Variants in TMPRSS15 observed in about 807,000 individuals in gnomAD.
The protein encoded by TMPRSS15 is transmembrane serine protease 15.
TMPRSS15 carries 128 observed loss-of-function variants against 125.3 expected under a neutral mutation model. The ratio of observed to expected loss-of-function variants is 1.02; its 90% confidence interval spans 0.89 to 1.18. The LOEUF is 1.18. Ranked by LOEUF, TMPRSS15 falls within the 50% of genes most tolerant of loss-of-function variation. TMPRSS15 has a pLI of 0.00. For missense variants in TMPRSS15, 1,283 were observed against 1,212.7 expected, an observed-to-expected ratio of 1.06 and a Z score of -0.86; for synonymous variants, 446 against 423.2, an observed-to-expected ratio of 1.05 and a Z score of -0.66.
At chr21:18,392,765 T>C (rs1487660497) in intron 3 of TMPRSS15, among the ~76,000 whole-genome samples, 4 of 152,158 alleles carry the variant, frequency 2.6e-5, no homozygotes, top group Admixed American at 2.0e-4. Flanking sequence ...TGGGGAGGCC[T>C]CAGGAAACTT....
chr21:18,269,912 C>T lies in TMPRSS15; in HGVS notation c.*57G>A. The T allele has an allele frequency of 6.3e-7, 1 of 1,598,652 alleles. No individual in the cohort carries two copies. Among genetic ancestry groups the T allele is most frequent in the Non-Finnish European group, 8.6e-7 (1 of 1,169,374 alleles). On this transcript the variant is annotated 3_prime_UTR_variant, in exon 25 of 25. Transcript: ENST00000284885. ...TTGTACGAAACACTTAATTTCCATG[C>T]TTTCTAGAGTAGAATGGGAAAATAA... is the stretch of plus-strand genomic sequence containing the variant.
intron 23 of TMPRSS15, among the ~76,000 whole-genome samples, chr21:18,277,578 TCAGCAA>T (rs2074637304): frequency 6.6e-6 from 1 of 152,224 alleles, no homozygotes; most frequent in South Asian, 2.1e-4. Flanking sequence ...TGAGGCATTT[TCAGCAA>T]TACAGTGTCA....
chr21:18,329,227 T>C lies in TMPRSS15; in HGVS notation c.1722A>G (p.Glu574=). The change falls in exon 15 of 25, where the codon GAA becomes GAG. Residue 574 remains glutamate, a synonymous_variant. Coordinates refer to ENST00000284885, the MANE Select transcript of TMPRSS15 (RefSeq NM_002772.3). ...TTATTTCAACTACATCGTTAATATT[T>C]TCTAAGTCAAATTCTTGAAAATGAA... ...IQLHFQEFDL[E]NINDVVEIRD... is the part of the protein sequence containing the mutation. 6.2e-7 allele frequency: 1 copy of C among 1,612,806 alleles called. No homozygotes were observed. The highest frequency in any genetic ancestry group is 1.7e-5 in the Admixed American group (1 of 59,974).
chr21:18,285,840 C>T (rs1010676334), intron 21 of TMPRSS15, among the ~76,000 whole-genome samples: 8 of 152,074 alleles, frequency 5.3e-5, no homozygotes, highest in Admixed American at 3.3e-4. Context: ...TTAACAGGTG[C>T]AAAAGGTAGT....
chr21:18,281,252 C>A (rs775838354), intron 21 of TMPRSS15, 31 bp from the exon 22 acceptor site: 6 of 1,588,908 alleles, frequency 3.8e-6, no homozygotes, highest in Non-Finnish European at 5.2e-6. Context: ...ATATGAGACA[C>A]TCTCCATCCA....
At chr21:18,389,848 C>G (rs1192877162) in intron 3 of TMPRSS15, among the ~76,000 whole-genome samples, 1 of 152,060 alleles carries the variant, frequency 6.6e-6, no homozygotes, top group East Asian at 1.9e-4. Flanking sequence ...ATTATTTTGT[C>G]CTTAGGATCT....
At chr21:18,447,503 C>A (rs1601466042) in intron 1 of TMPRSS15, among the ~76,000 whole-genome samples, 1 of 144,214 alleles carries the variant, frequency 6.9e-6, no homozygotes, top group Non-Finnish European at 1.5e-5. Flanking sequence ...GTCAACATAA[C>A]TAAATGATAT....
At chr21:18,341,823 C>A (rs2075449155) in intron 12 of TMPRSS15, among the ~76,000 whole-genome samples, 1 of 152,172 alleles carries the variant, frequency 6.6e-6, no homozygotes, top group East Asian at 1.9e-4. Flanking sequence ...GTTTCTATAT[C>A]TCTGTCTGTG....
intron 1 of TMPRSS15, among the ~76,000 whole-genome samples, chr21:18,436,106 A>T (rs1302102977): frequency 6.6e-6 from 1 of 150,894 alleles, no homozygotes; most frequent in African/African-American, 2.4e-5. Flanking sequence ...TAATTTTTTG[A>T]AGGGTTTTTT....
chr21:18,374,450 G>C (rs983600386), intron 5 of TMPRSS15, among the ~76,000 whole-genome samples: 1 of 135,812 alleles, frequency 7.4e-6, no homozygotes, highest in African/African-American at 2.8e-5. Context: ...TCCGCAGTCC[G>C]GCCTGGGCGA....
chr21:18,323,732 T>C (rs757254029), intron 16 of TMPRSS15, among the ~76,000 whole-genome samples: 1 of 152,140 alleles, frequency 6.6e-6, no homozygotes, highest in Non-Finnish European at 1.5e-5. Context: ...ATCCTTTCCT[T>C]GACAGAATTC....
chr21:18,396,792 A>AAATCTGTCTGTCTGTCTG lies in TMPRSS15; in HGVS notation c.344+1086_344+1087insCAGACAGACAGACAGATT, dbSNP rs1408156983. On this transcript the variant is annotated intron_variant, in intron 3 of 24. Transcript: ENST00000284885. ...CTGTCTCAAAAAAAAAAAAAAAAAA[A>AAATCTGTCTGTCTGTCTG]TCTGTCTGTCTGTCTGTCTATCTAT... is the stretch of plus-strand genomic sequence containing the variant. 7.4e-3 allele frequency among the ~76,000 whole-genome samples: 835 copies of AAATCTGTCTGTCTGTCTG among 112,734 alleles called. 30 individuals are homozygous for AAATCTGTCTGTCTGTCTG. The highest frequency in any genetic ancestry group is 0.026 in the African/African-American group (746 of 29,218). 74.0% of individuals were successfully genotyped at this position (112,734 alleles called of 152,430 possible). A position where few individuals can be genotyped will look rare whatever the true frequency, so the allele number is the denominator to read the frequency against.
intron 1 of TMPRSS15, chr21:18,460,516 A>G (rs1034227751): frequency 3.9e-5 from 6 of 152,200 alleles, no homozygotes; most frequent in Non-Finnish European, 5.9e-5. Context: ...AAATAAACAG[A>G]AACAATAGAG....
chr21:18,285,845 G>T (rs1419862419), intron 21 of TMPRSS15, among the ~76,000 whole-genome samples: 1 of 152,134 alleles, frequency 6.6e-6, no homozygotes, highest in Non-Finnish European at 1.5e-5. Flanking sequence ...AGGTGCAAAA[G>T]GTAGTTTTAT....
intron 24 of TMPRSS15, among the ~76,000 whole-genome samples, chr21:18,274,108 A>G (rs1310211499): frequency 6.6e-6 from 1 of 152,254 alleles, no homozygotes; most frequent in Non-Finnish European, 1.5e-5. Flanking sequence ...AATCCAGCAG[A>G]CATTAAAGCA....
Position 18,356,825 on chromosome 21 carries a change from A to C in TMPRSS15, c.880+2932T>G, listed in dbSNP as rs115339816. Among the ~76,000 whole-genome samples the C allele has an allele frequency of 5.9e-3, 893 of 151,968 alleles. 13 individuals are homozygous for C. Among genetic ancestry groups the C allele is most frequent in the African/African-American group, 0.02 (835 of 41,530 alleles). On this transcript the variant is annotated intron_variant, in intron 8 of 24. Transcript: ENST00000284885. The stretch of plus-strand genomic sequence containing the variant: ...ATTTTTGTTGTAGGATAAGTTGACA[A>C]TTCAGGAATATACACTATGTTTATT...
At chr21:18,483,929 A>C (rs770267823) in intron 1 of TMPRSS15, among the ~76,000 whole-genome samples, 10 of 151,902 alleles carry the variant, frequency 6.6e-5, no homozygotes, top group Non-Finnish European at 1.0e-4. Context: ...CAACACCTAA[A>C]CAACAGATTA....
intron 16 of TMPRSS15, among the ~76,000 whole-genome samples, chr21:18,325,837 T>C (rs2075283097): frequency 6.6e-6 from 1 of 151,986 alleles, no homozygotes; most frequent in African/African-American, 2.4e-5. Flanking sequence ...TCCATATATA[T>C]ACACACACAT....
chr21:18,333,277 T>A (rs984598271), intron 13 of TMPRSS15, among the ~76,000 whole-genome samples: 1 of 152,170 alleles, frequency 6.6e-6, no homozygotes, highest in East Asian at 1.9e-4. Flanking sequence ...AAAAAATAGA[T>A]AAGAACTTCT....
Sources: gnomAD v4.1 joint callset for allele counts (sites outside exome capture counted in the v4.1 genomes callset) on GRCh38, gnomAD v4.1.1 for gene constraint, MANE v1.5 for transcripts, NCBI Gene and HGNC (gene_info 2026-07-23, HGNC 2026-07-21) for gene names.